R3HDM1: variants seen among roughly 807,000 people sequenced by gnomAD.
R3HDM1 encodes R3H domain-containing protein 1.
Under a neutral mutation model 141.1 loss-of-function variants are expected in R3HDM1, and 46 were observed. The observed-to-expected ratio is 0.33, with a 90% CI of 0.26 to 0.42. The LOEUF (loss-of-function observed/expected upper bound fraction) is 0.42. Ranked by LOEUF, R3HDM1 falls within the 10% of genes least tolerant of loss-of-function variation. R3HDM1 has a pLI of 1.00. For missense variants in R3HDM1, 1,184 were observed against 1,368.3 expected (o/e 0.87, Z 2.12); for synonymous variants, 435 against 472.9 (o/e 0.92, Z 1.04).
intron 21 of R3HDM1, among the ~76,000 whole-genome samples, chr2:135,688,649 G>A (rs1045583758): frequency 1.3e-4 from 20 of 152,308 alleles, no homozygotes; most frequent in African/African-American, 4.8e-4. Context: ...AAGAAATACT[G>A]CGAAGGGCCA....
intron 21 of R3HDM1, among the ~76,000 whole-genome samples, chr2:135,697,985 G>A (rs556179225): frequency 1.7e-4 from 26 of 150,656 alleles, no homozygotes; most frequent in East Asian, 1.0e-3. Flanking sequence ...CCTGGGAGGC[G>A]GAGGTTGTAA....
chr2:135,711,064 A>C (rs916831084), intron 23 of R3HDM1, among the ~76,000 whole-genome samples: 5 of 152,254 alleles, frequency 3.3e-5, no homozygotes, highest in Non-Finnish European at 7.3e-5. Context: ...GGGCCAGCCA[A>C]ACATTATTTA....
Position 135,602,528 on chromosome 2 carries a change from C to A in R3HDM1, c.-221C>A. On this transcript the variant is annotated 5_prime_UTR_variant, in exon 2 of 27. Coordinates refer to ENST00000683871, the MANE Select transcript of R3HDM1 (RefSeq NM_001378107.1). ...ACGGAAAGGTATGATATATTTGATC[C>A]AAGACAGTCCATTCCAGTCCGGGAA... 2 of 1,399,764 alleles carry A rather than the reference C, an allele frequency of 1.4e-6. No individual in the cohort carries two copies. The highest frequency in any genetic ancestry group is 9.3e-7 in the Non-Finnish European group (1 of 1,074,452). The allele number at this position is 1,399,764 out of a possible 1,614,324, so 86.7% of individuals were successfully genotyped here.
intron 3 of R3HDM1, among the ~76,000 whole-genome samples, chr2:135,606,981 G>A (rs1337527536): frequency 7.6e-6 from 1 of 132,188 alleles, no homozygotes; most frequent in African/African-American, 2.7e-5. Context: ...TGGGTGGGGG[G>A]GCGGGGTTTT....
chr2:135,628,706 A>C (rs2062308354), intron 7 of R3HDM1, among the ~76,000 whole-genome samples: 1 of 152,110 alleles, frequency 6.6e-6, no homozygotes, highest in Non-Finnish European at 1.5e-5. Context: ...GGCTCACAGC[A>C]ACCTCCGCCT....
chr2:135,629,106 C>T lies in R3HDM1; in HGVS notation c.498-2612C>T, dbSNP rs541619019. ...CCGAGGCGGGTGGATCACCTTAGGT[C>T]GGGAGTTCGAGACCAGCCTGGACAA... On this transcript the variant is annotated intron_variant, in intron 7 of 26. Transcript: ENST00000683871. 1.2e-4 allele frequency among the ~76,000 whole-genome samples: 18 copies of T among 152,102 alleles called. No individual in the cohort carries two copies. The East Asian group carries it at 3.5e-3, about 30-fold the overall frequency.
chr2:135,660,845 CAA>C (rs11408908), intron 18 of R3HDM1, among the ~76,000 whole-genome samples: 3 of 100,930 alleles, frequency 3.0e-5, no homozygotes, highest in Non-Finnish European at 4.3e-5. Flanking sequence ...GACTCCACCT[CAA>C]AAAAAAAAAA....
Position 135,675,332 on chromosome 2 carries a change from G to A in R3HDM1, c.2153G>A (p.Gly718Asp), listed in dbSNP as rs533933199. ...QPLPQPAQQT[G>D]YQVIPNQQQN... ...GATTTAACTCATTGTACCATTACAGGTTATCAAGTTATACCCAACCAGCAG... is the reference window on the plus strand; with the variant it reads ...GATTTAACTCATTGTACCATTACAGATTATCAAGTTATACCCAACCAGCAG... The change falls in exon 20 of 27, where the codon GGT (glycine) becomes GAT (aspartate). Residue 718 changes from glycine (G) to aspartate (D), a missense_variant and splice_region_variant. Coordinates refer to ENST00000683871, the MANE Select transcript of R3HDM1 (RefSeq NM_001378107.1). 1 of 1,613,004 alleles carries A rather than the reference G, an allele frequency of 6.2e-7. No individual in the cohort carries two copies. The highest frequency in any genetic ancestry group is 1.1e-5 in the South Asian group (1 of 90,980).
chr2:135,617,719 C>T (rs1574392970), intron 5 of R3HDM1, among the ~76,000 whole-genome samples: 1 of 152,074 alleles, frequency 6.6e-6, no homozygotes, highest in East Asian at 1.9e-4. Context: ...TTTTTGGATC[C>T]TTTACCAATG....
chr2:135,709,553 GA>G lies in R3HDM1; in HGVS notation c.2563+21del, dbSNP rs774711738. 9.9e-6 allele frequency: 16 copies of G among 1,610,950 alleles called. No homozygotes were observed. The African/African-American group carries it at 1.7e-4, about 18-fold the overall frequency. ...AATGTACAGGTATAAAGAAATCAGT[GA>G]AAATAAGATGATTGGTTCATATGAG... On this transcript the variant is annotated intron_variant, in intron 22 of 26. Coordinates refer to ENST00000683871, the MANE Select transcript of R3HDM1 (RefSeq NM_001378107.1).
chr2:135,576,181 T>C (rs1362929296), intron 1 of R3HDM1, among the ~76,000 whole-genome samples: 1 of 152,024 alleles, frequency 6.6e-6, no homozygotes, highest in African/African-American at 2.4e-5. Flanking sequence ...GGGAATGACT[T>C]GAGCCCAGCA....
intron 1 of R3HDM1, among the ~76,000 whole-genome samples, chr2:135,557,893 G>C (rs1191797857): frequency 2.6e-5 from 4 of 152,048 alleles, no homozygotes; most frequent in Admixed American, 2.0e-4. Context: ...AGTATACATT[G>C]AACAAAAAAC....
At chr2:135,615,535 G>A (rs551000456) in intron 3 of R3HDM1, among the ~76,000 whole-genome samples, 4 of 152,152 alleles carry the variant, frequency 2.6e-5, no homozygotes, top group East Asian at 1.9e-4. Flanking sequence ...ACTGATGGTC[G>A]GCCTGTCAGT....
At chr2:135,650,383 AC>A (rs2065021806) in intron 17 of R3HDM1, 1 of 984,772 alleles carries the variant, frequency 1.0e-6, no homozygotes, top group Non-Finnish European at 1.2e-6. Flanking sequence ...GCTCCAGTAG[AC>A]CCAGTACCAG....
At chr2:135,716,404 C>A (rs2076156360) in intron 24 of R3HDM1, among the ~76,000 whole-genome samples, 1 of 152,116 alleles carries the variant, frequency 6.6e-6, no homozygotes. Flanking sequence ...AGGAGAAGTC[C>A]TCACCCTCAC....
chr2:135,612,307 C>G (rs530134133), intron 3 of R3HDM1, among the ~76,000 whole-genome samples: 1 of 152,298 alleles, frequency 6.6e-6, no homozygotes, highest in African/African-American at 2.4e-5. Context: ...GTAACCTCTT[C>G]AAGGTGTTTT....
chr2:135,562,163 A>C (rs1701920280), intron 1 of R3HDM1, among the ~76,000 whole-genome samples: 1 of 152,184 alleles, frequency 6.6e-6, no homozygotes, highest in Admixed American at 6.6e-5. Context: ...GTCTTTTATA[A>C]ATTTTCTTTC....
At chr2:135,559,916 C>T (rs982531033) in intron 1 of R3HDM1, among the ~76,000 whole-genome samples, 8 of 152,082 alleles carry the variant, frequency 5.3e-5, no homozygotes, top group South Asian at 2.1e-4. Flanking sequence ...TTATGCTATG[C>T]GCAGTAGATA....
chr2:135,684,364 C>T (rs1256397816), intron 21 of R3HDM1, among the ~76,000 whole-genome samples: 12 of 152,218 alleles, frequency 7.9e-5, no homozygotes, highest in Non-Finnish European at 1.5e-5. Flanking sequence ...GCTGGGATTA[C>T]AGGCGTGAGC....
Sources: gnomAD v4.1 joint callset for allele counts (sites outside exome capture counted in the v4.1 genomes callset) on GRCh38, gnomAD v4.1.1 for gene constraint, MANE v1.5 for transcripts, NCBI Gene and HGNC (gene_info 2026-07-23, HGNC 2026-07-21) for gene names.